PHF6: variants seen among roughly 807,000 people sequenced by gnomAD.
PHF6 encodes PHD finger protein 6.
A neutral mutation model predicts 34.0 loss-of-function variants in PHF6; 7 were observed. The ratio of observed to expected loss-of-function variants is 0.21; its 90% CI spans 0.12 to 0.39. The LOEUF (loss-of-function observed/expected upper bound fraction) is 0.39. PHF6 is among the 10% of genes least tolerant of loss of function. PHF6 has a pLI of 1.00. For synonymous variants in PHF6, 89 were observed against 88.4 expected, an observed-to-expected ratio of 1.01 and a Z score of -0.04; for missense variants, 128 against 262.8, an observed-to-expected ratio of 0.49 and a Z score of 3.55.
chrX:134,411,985 G>A (rs1002148429), intron 5 of PHF6, among the ~76,000 whole-genome samples: 58 of 111,990 alleles, frequency 5.2e-4, no homozygotes, highest in African/African-American at 1.9e-3. Context: ...GTTCACCTCG[G>A]CCTCCCAAAG....
intron 5 of PHF6, among the ~76,000 whole-genome samples, chrX:134,406,139 T>C (rs1310923117): frequency 1.9e-5 from 2 of 103,164 alleles, no homozygotes; most frequent in East Asian, 5.9e-4. Context: ...CAAACATTTA[T>C]TGAGTACCTA....
chrX:134,378,263 G>A (rs749971351), intron 3 of PHF6, among the ~76,000 whole-genome samples, 157 bp downstream of exon 3: 13 of 109,212 alleles, frequency 1.2e-4, no homozygotes, highest in South Asian at 7.8e-4. Context: ...ATCCAAGGCC[G>A]GGTTTATCTT....
intron 5 of PHF6, among the ~76,000 whole-genome samples, chrX:134,394,863 C>CTT (rs1403300407): frequency 1.1e-5 from 1 of 89,868 alleles, no homozygotes; most frequent in Non-Finnish European, 2.2e-5. Context: ...TTTTCTTTTT[C>CTT]TTTTTTTTTT....
chrX:134,406,062 T>TTCTTTC (rs1556017614), intron 5 of PHF6, among the ~76,000 whole-genome samples: 37 of 78,058 alleles, frequency 4.7e-4, no homozygotes, highest in African/African-American at 1.7e-3. Context: ...TCCTTTTTCT[T>TTCTTTC]TTTCTTTCTT....
chrX:134,395,960 T>C (rs747249017), intron 5 of PHF6, among the ~76,000 whole-genome samples: 16 of 112,377 alleles, frequency 1.4e-4, no homozygotes, highest in African/African-American at 5.2e-4. Flanking sequence ...AAATCCTTTG[T>C]GAAAGATTGA....
intron 9 of PHF6, chrX:134,419,375 A>G (rs948104427): frequency 6.3e-5 from 7 of 110,519 alleles, no homozygotes; most frequent in Non-Finnish European, 9.5e-5. Flanking sequence ...TTTTAAAAAT[A>G]GAAAGAAAAA....
intron 2 of PHF6, 75 bp downstream of exon 2, chrX:134,377,830 A>G: frequency 9.2e-7 from 1 of 1,085,313 alleles, no homozygotes. Context: ...GTTCCTGAAT[A>G]CTAAAAAAAA....
chrX:134,385,600 T>C (rs906849116), intron 3 of PHF6, among the ~76,000 whole-genome samples: 1 of 112,209 alleles, frequency 8.9e-6, no homozygotes, highest in Non-Finnish European at 1.9e-5. Flanking sequence ...AATAACAGGC[T>C]AGGTATAAAT....
At chrX:134,386,195 GACTT>G (rs1330438361) in intron 3 of PHF6, among the ~76,000 whole-genome samples, 1 of 111,567 alleles carries the variant, frequency 9.0e-6, no homozygotes, top group Non-Finnish European at 1.9e-5. Context: ...TAGATTGTGT[GACTT>G]ACTTAGCGTT....
intron 3 of PHF6, among the ~76,000 whole-genome samples, chrX:134,391,236 A>C (rs779555655): frequency 2.7e-5 from 3 of 111,087 alleles, no homozygotes; most frequent in African/African-American, 9.8e-5. Flanking sequence ...AGCCTCCCAA[A>C]GTGCTGGGAT....
intron 9 of PHF6, chrX:134,418,539 T>C (rs2077480073): frequency 1.8e-5 from 2 of 111,702 alleles, no homozygotes; most frequent in Non-Finnish European, 3.8e-5. Context: ...CCGGGTCTAG[T>C]ATTCTGTGTA....
intron 5 of PHF6, among the ~76,000 whole-genome samples, chrX:134,404,813 A>T (rs2077416146): frequency 8.9e-6 from 1 of 112,233 alleles, no homozygotes; most frequent in African/African-American, 3.2e-5. Context: ...GAAAGCCCAG[A>T]TGATTGTTAG....
intron 1 of PHF6, 55 bp from the exon 2 acceptor site, chrX:134,377,517 G>T: frequency 1.1e-6 from 1 of 919,564 alleles, no homozygotes; most frequent in Non-Finnish European, 1.5e-6. Flanking sequence ...TCATGAATAT[G>T]TATAAACTGA....
intron 3 of PHF6, among the ~76,000 whole-genome samples, chrX:134,388,301 A>G (rs1363621253): frequency 3.6e-5 from 4 of 111,947 alleles, no homozygotes; most frequent in Non-Finnish European, 7.5e-5. Context: ...TTATTAAAAC[A>G]AAAAGCCAAG....
chrX:134,416,906 A>G (rs1274734217), intron 8 of PHF6, among the ~76,000 whole-genome samples: 1 of 112,053 alleles, frequency 8.9e-6, no homozygotes, highest in Non-Finnish European at 1.9e-5. Context: ...TGTATTTGGC[A>G]GCATTGAGGA....
At chrX:134,379,604 G>A (rs2077297120) in intron 3 of PHF6, among the ~76,000 whole-genome samples, 1 of 108,909 alleles carries the variant, frequency 9.2e-6, no homozygotes, top group South Asian at 4.0e-4. Flanking sequence ...CACCATGTCT[G>A]GCGAATTTTG....
Position 134,427,918 on chromosome X carries a change from A to G in PHF6, c.*2258A>G, listed in dbSNP as rs886820476. On this transcript the variant is annotated 3_prime_UTR_variant, in exon 11 of 11. Coordinates refer to ENST00000370803, the MANE Select transcript of PHF6 (RefSeq NM_001015877.2). ...CATCATCATCTTCTGGGTAGTAATTACATTGTGGTATTAATATTTAGAAAA... is the reference window on the plus strand; with the variant it reads ...CATCATCATCTTCTGGGTAGTAATTGCATTGTGGTATTAATATTTAGAAAA... 1.3e-5 allele frequency: 2 copies of G among 154,121 alleles called. No individual in the cohort carries two copies. The highest frequency in any genetic ancestry group is 1.7e-4 in the Admixed American group (2 of 11,793). The allele number at this position is 154,121 out of a possible 1,213,427, so 12.7% of individuals were successfully genotyped here.
chrX:134,386,862 A>G (rs1162032116), intron 3 of PHF6, among the ~76,000 whole-genome samples: 1 of 112,223 alleles, frequency 8.9e-6, no homozygotes, highest in Non-Finnish European at 1.9e-5. Context: ...ACACAAAGAA[A>G]TGAGCATGGC....
At chrX:134,413,679 A>G (rs1486333482) in intron 6 of PHF6, 22 bp downstream of exon 6, 1 of 1,206,122 alleles carries the variant, frequency 8.3e-7, no homozygotes, top group Admixed American at 2.2e-5. Flanking sequence ...AAACTGTTGG[A>G]TTCTTACTTT....
Sources: allele counts gnomAD v4.1 joint callset (sites outside exome capture counted in the v4.1 genomes callset), GRCh38; gene constraint gnomAD v4.1.1; transcripts MANE v1.5; gene names NCBI Gene and HGNC (gene_info 2026-07-23, HGNC 2026-07-21).